Variants in DNAH5 observed in about 807,000 individuals in gnomAD.
DNAH5 encodes axonemal beta dynein heavy chain 5.
In DNAH5, 372 loss-of-function variants were observed where a neutral mutation model predicts 518.2. The ratio of observed to expected loss-of-function variants is 0.72; its 90% CI spans 0.66 to 0.78. DNAH5 has a LOEUF of 0.78. Among genes scored for constraint, DNAH5 ranks in the 30% least tolerant of loss-of-function variants. DNAH5 has a pLI of 0.00. For missense variants in DNAH5, 5,523 were observed against 5,687.0 expected, an observed-to-expected ratio of 0.97 and a Z score of 0.93; for synonymous variants, 2,039 against 2,025.9, an observed-to-expected ratio of 1.01 and a Z score of -0.17.
intron 1 of DNAH5, among the ~76,000 whole-genome samples, chr5:13,956,940 G>T (rs1195570509): frequency 6.6e-6 from 1 of 152,184 alleles, no homozygotes; most frequent in Non-Finnish European, 1.5e-5. Flanking sequence ...GTAGTGCAGG[G>T]ATGTCAAATT....
intron 65 of DNAH5, among the ~76,000 whole-genome samples, chr5:13,744,873 G>A (rs559366369): frequency 2.0e-5 from 3 of 152,072 alleles, no homozygotes; most frequent in East Asian, 3.9e-4. Context: ...TTTCTCTTTT[G>A]TACTTTACAC....
At chr5:13,875,817 T>G (rs1238041775) in intron 22 of DNAH5, among the ~76,000 whole-genome samples, 1 of 151,900 alleles carries the variant, frequency 6.6e-6, no homozygotes, top group Non-Finnish European at 1.5e-5. Context: ...AGTCCATAAA[T>G]GCAAAAGATT....
At chr5:13,898,248 CTA>C (rs1392863997) in intron 15 of DNAH5, 1 of 256,304 alleles carries the variant, frequency 3.9e-6, no homozygotes, top group Admixed American at 5.4e-5. Flanking sequence ...ATTGTAAACC[CTA>C]CAACGTGCTT....
intron 58 of DNAH5, 47 bp from the exon 59 acceptor site, chr5:13,766,226 A>T: frequency 6.2e-7 from 1 of 1,603,788 alleles, no homozygotes; most frequent in East Asian, 2.2e-5. Context: ...AGGAAAGCAC[A>T]GACAAGCAAA....
Position 13,718,887 on chromosome 5 carries a change from T to C in DNAH5, c.12494A>G (p.Tyr4165Cys), listed in dbSNP as rs1197296977. The C allele has an allele frequency of 1.9e-6, 3 of 1,611,188 alleles. No homozygotes were observed. Among genetic ancestry groups the C allele is most frequent in the Admixed American group, 3.3e-5 (2 of 60,002 alleles). The change falls in exon 72 of 79, where the codon TAT becomes TGT. Residue 4165 changes from tyrosine (Y) to cysteine (C), a missense_variant. Coordinates refer to ENST00000265104, the MANE Select transcript of DNAH5 (RefSeq NM_001369.3). ...GCAAGTATTTCTGGACTCACCACTA[T>C]ATGTTCTTTTCAGTCCTGCCCGGAG... Reference protein sequence around the residue: ...QGLRAGLKRTYSGVSQDLLDV... With the variant: ...QGLRAGLKRTCSGVSQDLLDV...
rs530394354 is a variant in DNAH5 at position 13,908,195 on chromosome 5, AT to A, written c.1644+3190del. On this transcript the variant is annotated intron_variant, in intron 12 of 78. Coordinates refer to ENST00000265104, the MANE Select transcript of DNAH5 (RefSeq NM_001369.3). ...AGCTACTTCTACTGGAAGTATATGT[AT>A]TTTTTAAGTGACATTATTTCTCCTG... 1.2e-4 allele frequency among the ~76,000 whole-genome samples: 18 copies of A among 152,272 alleles called. No individual in the cohort carries two copies. The South Asian group carries it at 3.3e-3, about 28-fold the overall frequency.
At chr5:13,890,267 C>T (rs984765567) in intron 17 of DNAH5, among the ~76,000 whole-genome samples, 1 of 151,950 alleles carries the variant, frequency 6.6e-6, no homozygotes, top group Admixed American at 6.6e-5. Flanking sequence ...ATTAGGCAGG[C>T]GTGGCAGCGT....
At chr5:13,926,793 A>G (rs1231518791) in intron 3 of DNAH5, among the ~76,000 whole-genome samples, 1 of 152,254 alleles carries the variant, frequency 6.6e-6, no homozygotes, top group Non-Finnish European at 1.5e-5. Flanking sequence ...GCAGAAGGCC[A>G]GTTTCATCCA....
chr5:13,800,036 C>G (rs957109709), intron 47 of DNAH5, among the ~76,000 whole-genome samples: 10 of 152,108 alleles, frequency 6.6e-5, no homozygotes, highest in Middle Eastern at 3.2e-3. Flanking sequence ...ATGGGGGAAT[C>G]TGGTAGTGTG....
chr5:13,874,097 T>A (rs1159625298), intron 22 of DNAH5, among the ~76,000 whole-genome samples: 1 of 152,164 alleles, frequency 6.6e-6, no homozygotes, highest in Non-Finnish European at 1.5e-5. Flanking sequence ...TCCATTAAAA[T>A]GCAGAAAGCT....
At chr5:13,839,631 CACAG>C (rs1473956394) in intron 34 of DNAH5, 103 bp from the exon 35 acceptor site, 25 of 1,034,396 alleles carry the variant, frequency 2.4e-5, no homozygotes, top group Non-Finnish European at 3.7e-5. Flanking sequence ...AAATGAAACT[CACAG>C]ACAACCGAAC....
intron 68 of DNAH5, among the ~76,000 whole-genome samples, chr5:13,734,814 A>G (rs149316477): frequency 6.6e-6 from 1 of 152,208 alleles, no homozygotes; most frequent in East Asian, 1.9e-4. Context: ...TGTTTTCCAT[A>G]GGACTTACCA....
chr5:13,916,404 A>G lies in DNAH5; in HGVS notation c.1141T>C (p.Tyr381His). 1 of 1,553,568 alleles carries G rather than the reference A, an allele frequency of 6.4e-7. No individual in the cohort carries two copies. The highest frequency in any genetic ancestry group is 8.9e-7 in the Non-Finnish European group (1 of 1,127,106). ...GTATTATAGTAATGAGAGATACTATAGATCATTTTAATTGCATTTATAAGT... is the reference window on the plus strand; with the variant it reads ...GTATTATAGTAATGAGAGATACTATGGATCATTTTAATTGCATTTATAAGT... ...PTLINAIKMI[Y>H]SISHYYNTSE... Residue 381 changes from tyrosine (Y) to histidine (H), a missense_variant, in exon 9 of 79, where the codon TAT becomes CAT. This residue lies in a region of DNAH5 where 5,121 missense variants were observed against 5,223.3 expected (regional missense o/e 0.98). Coordinates refer to ENST00000265104, the MANE Select transcript of DNAH5 (RefSeq NM_001369.3).
chr5:13,733,550 T>G (rs1746911640), intron 68 of DNAH5, among the ~76,000 whole-genome samples: 3 of 152,200 alleles, frequency 2.0e-5, no homozygotes, highest in Admixed American at 1.3e-4. Context: ...TCACTTATTC[T>G]GATTTAGGAA....
rs557101898 is a variant in DNAH5, at chr5:13,882,709, A to G, written c.3262+19T>C. On this transcript the variant is annotated intron_variant, in intron 21 of 78. Transcript: ENST00000265104. ...GTTGATTTACAATGCCTCTTTTAAA[A>G]GACTAAAAGAACATTTACCTTGAAG... 232 of 1,572,946 alleles carry G rather than the reference A, an allele frequency of 1.5e-4. 3 individuals carry two copies. In the Admixed American group the frequency reaches 3.7e-3, roughly 25 times the overall value.
chr5:13,774,496 T>A (rs1561222882), intron 55 of DNAH5, among the ~76,000 whole-genome samples: 2 of 152,062 alleles, frequency 1.3e-5, no homozygotes, highest in Non-Finnish European at 2.9e-5. Context: ...ATGGCACGTA[T>A]TATAAAGGAG....
At chr5:13,967,783 G>A (rs1211462005) in intron 1 of DNAH5, among the ~76,000 whole-genome samples, 1 of 137,644 alleles carries the variant, frequency 7.3e-6, no homozygotes, top group East Asian at 2.0e-4. Context: ...ATTGCTTTTG[G>A]CCACACGGTC....
chr5:13,804,669 A>T (rs576144578), intron 47 of DNAH5, among the ~76,000 whole-genome samples: 1 of 152,374 alleles, frequency 6.6e-6, no homozygotes, highest in African/African-American at 2.4e-5. Flanking sequence ...AGAAAAAAGA[A>T]ATAGTGATGT....
chr5:13,697,870 C>T (rs929690388), intron 78 of DNAH5, among the ~76,000 whole-genome samples: 31 of 152,174 alleles, frequency 2.0e-4, no homozygotes, highest in Non-Finnish European at 4.1e-4. Context: ...TCACAGAACT[C>T]CTAAATTATC....
Sources: allele counts gnomAD v4.1 joint callset (sites outside exome capture counted in the v4.1 genomes callset), GRCh38; gene constraint gnomAD v4.1.1; regional missense constraint gnomAD v4.1.1; transcripts MANE v1.5; gene names NCBI Gene and HGNC (gene_info 2026-07-23, HGNC 2026-07-21).